Variants in METTL8 observed in about 807,000 individuals in gnomAD.
The protein encoded by METTL8 is methyltransferase 8, tRNA N3-cytidine, also known as tRNA N(3)-cytidine methyltransferase METTL8, mitochondrial.
Under a neutral mutation model 48.7 loss-of-function variants are expected in METTL8, and 32 were observed. That is an observed-to-expected ratio of 0.66 (90% confidence interval 0.50 to 0.88). The LOEUF is 0.88. Among genes scored for constraint, METTL8 ranks in the 40% least tolerant of loss-of-function variants. The probability of loss-of-function intolerance (pLI) is 0.00; values close to 1 mark genes in which losing one functional copy is unlikely to be tolerated. For synonymous variants in METTL8, 136 were observed against 157.1 expected (o/e 0.87, Z 1.01); for missense variants, 464 against 474.4 (o/e 0.98, Z 0.20).
intron 3 of METTL8, among the ~76,000 whole-genome samples, chr2:171,346,357 A>C (rs1215007627): frequency 1.3e-5 from 2 of 152,224 alleles, no homozygotes; most frequent in African/African-American, 4.8e-5. Flanking sequence ...AATCACAAAA[A>C]TGAAATGTCA....
chr2:171,414,381 C>G (rs1371419503), intron 1 of METTL8, among the ~76,000 whole-genome samples: 1 of 151,038 alleles, frequency 6.6e-6, no homozygotes, highest in African/African-American at 2.4e-5. Context: ...CGCACCACTG[C>G]ACTCCAGCCT....
rs1029174231 is a variant in METTL8 at position 171,318,406 on chromosome 2, C to T, written c.*5766G>A. 1 of 152,092 alleles carries T rather than the reference C, an allele frequency of 6.6e-6. No homozygotes were observed. The highest frequency in any genetic ancestry group is 1.5e-5 in the Non-Finnish European group (1 of 68,010). The allele number at this position is 152,092 out of a possible 1,614,324, so 9.4% of individuals were successfully genotyped here. ...CCTGATTTCACATATTTTACATTAC[C>T]CTAGAGCTGAATCCTTTTGAAGACA... is the stretch of plus-strand genomic sequence containing the variant. On this transcript the variant is annotated 3_prime_UTR_variant, in exon 10 of 10. Coordinates refer to ENST00000375258, the MANE Select transcript of METTL8 (RefSeq NM_001321154.2).
At position 171,360,188 on chromosome 2, in the gene METTL8, A is replaced by ATG. The variant is rs546141903; in HGVS notation, c.235+232_235+233dup. Reference sequence around the variant, plus strand: ...TCATATTTTGTTTGAAATGCCACCCATGTGTGTATCTCCCAGAAAAAGCAA... The same window carrying ATG: ...TCATATTTTGTTTGAAATGCCACCCATGTGTGTGTATCTCCCAGAAAAAGCAA... On this transcript the variant is annotated intron_variant, in intron 3 of 9. Transcript: ENST00000375258. 2.0e-3 allele frequency among the ~76,000 whole-genome samples: 306 copies of ATG among 152,340 alleles called. 3 individuals carry two copies. Among genetic ancestry groups the ATG allele is most frequent in the African/African-American group, 6.8e-3 (284 of 41,582 alleles).
chr2:171,416,036 C>T (rs1302710334), intron 1 of METTL8, among the ~76,000 whole-genome samples: 1 of 152,232 alleles, frequency 6.6e-6, no homozygotes, highest in Admixed American at 6.5e-5. Flanking sequence ...TTCCAGTTAT[C>T]TAGAAACCTC....
At chr2:171,354,770 A>C (rs942171885) in intron 3 of METTL8, among the ~76,000 whole-genome samples, 1 of 152,168 alleles carries the variant, frequency 6.6e-6, no homozygotes, top group African/African-American at 2.4e-5. Flanking sequence ...AAGCTTGTAC[A>C]TGCGTCACAT....
rs554595478 is a variant in METTL8, at chr2:171,358,834, C to T, written c.235+1588G>A. On this transcript the variant is annotated intron_variant, in intron 3 of 9. Coordinates refer to ENST00000375258, the MANE Select transcript of METTL8 (RefSeq NM_001321154.2). ...AAATAGAAAATGGGATTATATCATG[C>T]TAACAAGCACCTGTACAGCAAAGAA... Among the ~76,000 whole-genome samples, 5 of 152,180 alleles carry T rather than the reference C, an allele frequency of 3.3e-5. No individual in the cohort carries two copies. In the East Asian group the frequency reaches 7.7e-4, roughly 24 times the overall value.
chr2:171,412,620 T>C (rs1690865735), intron 1 of METTL8, among the ~76,000 whole-genome samples: 2 of 151,226 alleles, frequency 1.3e-5, no homozygotes, highest in South Asian at 4.2e-4. Flanking sequence ...GCACCAATGG[T>C]GCACAGGCAA....
intron 2 of METTL8, among the ~76,000 whole-genome samples, chr2:171,382,463 C>T (rs1006685439): frequency 4.6e-5 from 7 of 152,084 alleles, no homozygotes; most frequent in Admixed American, 2.0e-4. Context: ...AATAGAAAAC[C>T]AAACACTGCA....
Position 171,337,466 on chromosome 2 carries a change from A to C in METTL8, c.643T>G (p.Leu215Val). 6.2e-7 allele frequency: 1 copy of C among 1,605,116 alleles called. No homozygotes were observed. The highest frequency in any genetic ancestry group is 8.5e-7 in the Non-Finnish European group (1 of 1,175,546). The change falls in exon 5 of 10, where the codon TTG becomes GTG. Residue 215 changes from leucine (L) to valine (V), a missense_variant. Physicochemically the swap from Leu to Val is conservative, Grantham distance 32 (BLOSUM62 1). Transcript: ENST00000375258. ...CTTAAAACTCACTCCAAAGTGTTCA[A>C]AATTGGAAACACACTATTTCCAGCT... ...CGAGNSVFPI[L>V]NTLENSPESF...
At position 171,321,910 on chromosome 2, in the gene METTL8, A is replaced by C. The variant is rs954052113; in HGVS notation, c.*2262T>G. The C allele has an allele frequency of 6.6e-6, 1 of 152,154 alleles. No homozygotes were observed. Among genetic ancestry groups the C allele is most frequent in the Non-Finnish European group, 1.5e-5 (1 of 68,028 alleles). The allele number at this position is 152,154 out of a possible 1,614,324, so 9.4% of individuals were successfully genotyped here. On this transcript the variant is annotated 3_prime_UTR_variant, in exon 10 of 10. Coordinates refer to ENST00000375258, the MANE Select transcript of METTL8 (RefSeq NM_001321154.2). ...AATCTTAAAAACTTCATTTCTACAA[A>C]ATGTGATTTGCAAGCCAACTTATGT...
intron 3 of METTL8, among the ~76,000 whole-genome samples, chr2:171,360,014 A>C (rs1685000283): frequency 6.6e-6 from 1 of 152,166 alleles, no homozygotes; most frequent in African/African-American, 2.4e-5. Context: ...TACTGAAACT[A>C]TATTTATCCT....
Position 171,360,532 on chromosome 2 carries a change from CTG to C in METTL8, c.144-21_144-20del. The C allele has an allele frequency of 6.3e-7, 1 of 1,599,698 alleles. No individual in the cohort carries two copies. The highest frequency in any genetic ancestry group is 1.1e-5 in the South Asian group (1 of 89,340). ...GTGATCCCTATTAAAAAAAAATAGACTGTAAAATATGCTTTATCATTGAAGAA... is the reference window on the plus strand; with the variant it reads ...GTGATCCCTATTAAAAAAAAATAGACTAAAATATGCTTTATCATTGAAGAA... On this transcript the variant is annotated intron_variant, in intron 2 of 9. Coordinates refer to ENST00000375258, the MANE Select transcript of METTL8 (RefSeq NM_001321154.2).
At chr2:171,387,581 A>G (rs1448597518) in intron 2 of METTL8, among the ~76,000 whole-genome samples, 2 of 151,836 alleles carry the variant, frequency 1.3e-5, no homozygotes, top group Non-Finnish European at 2.9e-5. Flanking sequence ...ATATGTATGT[A>G]TGTGCATATA....
chr2:171,343,237 C>T lies in METTL8; in HGVS notation c.236-3683G>A, dbSNP rs149604631. Among the ~76,000 whole-genome samples the T allele has an allele frequency of 3.8e-3, 571 of 152,210 alleles. 4 individuals are homozygous for T. Among genetic ancestry groups the T allele is most frequent in the African/African-American group, 0.013 (520 of 41,534 alleles). Reference sequence around the variant, plus strand: ...GGCAGATCACCTGAGGTCAGGAGCTCGAGACCGGCCTGACCAACATGGAGA... The same window carrying T: ...GGCAGATCACCTGAGGTCAGGAGCTTGAGACCGGCCTGACCAACATGGAGA... On this transcript the variant is annotated intron_variant, in intron 3 of 9. Transcript: ENST00000375258.
At chr2:171,333,913 TC>T (rs1685808992) in intron 5 of METTL8, among the ~76,000 whole-genome samples, 2 of 152,324 alleles carry the variant, frequency 1.3e-5, no homozygotes, top group South Asian at 4.1e-4. Flanking sequence ...GTGAATGGAT[TC>T]TTATAGCTAA....
intron 5 of METTL8, 128 bp downstream of exon 5, chr2:171,337,325 T>C (rs1559063378): frequency 1.7e-5 from 10 of 602,026 alleles, no homozygotes; most frequent in Non-Finnish European, 2.6e-5. Context: ...CTTTTGAAAT[T>C]TGCTTGAGCC....
rs1020396907 is a variant in METTL8, at chr2:171,318,015, C to A, written c.*6157G>T. 2.0e-5 allele frequency: 3 copies of A among 152,226 alleles called. No homozygotes were observed. The highest frequency in any genetic ancestry group is 7.2e-5 in the African/African-American group (3 of 41,460). The allele number at this position is 152,226 out of a possible 1,614,324, so 9.4% of individuals were successfully genotyped here. Reference sequence around the variant, plus strand: ...AACTATTATTACTTGCTTGTTACTGCATGTTGCTGATTCATACTCATAGGA... The same window carrying A: ...AACTATTATTACTTGCTTGTTACTGAATGTTGCTGATTCATACTCATAGGA... On this transcript the variant is annotated 3_prime_UTR_variant, in exon 10 of 10. Coordinates refer to ENST00000375258, the MANE Select transcript of METTL8 (RefSeq NM_001321154.2).
intron 2 of METTL8, among the ~76,000 whole-genome samples, chr2:171,370,032 C>T (rs894350660): frequency 2.0e-5 from 3 of 151,056 alleles, no homozygotes; most frequent in Non-Finnish European, 2.9e-5. Context: ...TGCCATTGCA[C>T]TCCAGCCTGG....
At chr2:171,360,541 A>T in intron 2 of METTL8, 28 bp from the exon 3 acceptor site, 1 of 1,585,200 alleles carries the variant, frequency 6.3e-7, no homozygotes, top group Non-Finnish European at 8.6e-7. Context: ...ACTGTAAAAT[A>T]TGCTTTATCA....
Sources: allele counts gnomAD v4.1 joint callset (sites outside exome capture counted in the v4.1 genomes callset), GRCh38; gene constraint gnomAD v4.1.1; transcripts MANE v1.5; gene names NCBI Gene and HGNC (gene_info 2026-07-23, HGNC 2026-07-21).